Variants in TIMMDC1 observed in about 807,000 individuals in gnomAD.
The protein encoded by TIMMDC1 is complex I assembly factor TIMMDC1, mitochondrial.
A neutral mutation model predicts 32.6 loss-of-function variants in TIMMDC1; 25 were observed. That is an observed-to-expected ratio of 0.77 (90% CI 0.56 to 1.07). The LOEUF is 1.07. Among genes scored for constraint, TIMMDC1 ranks in the 50% least tolerant of loss-of-function variants. The pLI is 0.00. For synonymous variants in TIMMDC1, 130 were observed against 127.6 expected, an observed-to-expected ratio of 1.02 and a Z score of -0.13; for missense variants, 329 against 349.2, an observed-to-expected ratio of 0.94 and a Z score of 0.46.
intron 1 of TIMMDC1, 33 bp downstream of exon 1, chr3:119,498,960 G>A: frequency 2.5e-6 from 4 of 1,606,146 alleles, no homozygotes; most frequent in Non-Finnish European, 3.4e-6. Flanking sequence ...GTGGGGTAGG[G>A]GGCCGCGAAA....
At chr3:119,500,398 T>C (rs1028230443) in intron 1 of TIMMDC1, 2 of 274,088 alleles carry the variant, frequency 7.3e-6, no homozygotes, top group African/African-American at 4.4e-5. Context: ...AACATAGCTG[T>C]ACCCAGCACT....
chr3:119,499,515 T>G (rs2081853757), intron 1 of TIMMDC1, among the ~76,000 whole-genome samples: 1 of 151,926 alleles, frequency 6.6e-6, no homozygotes, highest in Non-Finnish European at 1.5e-5. Context: ...CTTCCCAGGT[T>G]CAAGCGGTTC....
rs2081842189 is a variant in TIMMDC1, at chr3:119,498,661, G to A, written c.-73G>A. On this transcript the variant is annotated 5_prime_UTR_variant, in exon 1 of 7. Transcript: ENST00000494664. ...ACGGATTCTCACCTCGTACAGTTAC[G>A]CTCTCCCGCGGCACGTCCGCGAGGA... 6.8e-6 allele frequency: 10 copies of A among 1,470,354 alleles called. No homozygotes were observed. Among genetic ancestry groups the A allele is most frequent in the Non-Finnish European group, 9.4e-6 (10 of 1,063,712 alleles). The allele number at this position is 1,470,354 out of a possible 1,614,324, so 91.1% of individuals were successfully genotyped here. A position where few individuals can be genotyped will look rare whatever the true frequency, so the allele number is the denominator to read the frequency against.
In TIMMDC1 at chr3:119,513,734, G is replaced by C; in HGVS notation, c.596+15G>C. 6.4e-7 allele frequency: 1 copy of C among 1,557,420 alleles called. No individual in the cohort carries two copies. The highest frequency in any genetic ancestry group is 8.7e-7 in the Non-Finnish European group (1 of 1,154,578). ...GCCTTGCTGGGGTAAGCATTAACAT[G>C]GTTTGGTTCTAAATTGGCACAATTT... On this transcript the variant is annotated intron_variant, in intron 5 of 6. Coordinates refer to ENST00000494664, the MANE Select transcript of TIMMDC1 (RefSeq NM_016589.4).
At chr3:119,513,372 A>G (rs1317878153) in intron 4 of TIMMDC1, among the ~76,000 whole-genome samples, 3 of 152,186 alleles carry the variant, frequency 2.0e-5, no homozygotes, top group Admixed American at 6.5e-5. Context: ...TTAAGGAGAG[A>G]TGGGCAAAAA....
chr3:119,498,926 G>C lies in TIMMDC1; in HGVS notation c.193G>C (p.Asp65His), dbSNP rs2081846111. The change falls in exon 1 of 7, where the codon GAT (aspartate) becomes CAT (histidine). Residue 65 changes from aspartate (D) to histidine (H), a missense_variant and splice_region_variant. By Grantham distance (81) the Asp-to-His change is moderately conservative (BLOSUM62 -1). Transcript: ENST00000494664. Reference sequence around the variant, plus strand: ...CCGCCTCCGGGAGCTGTTTGGCAAAGAGTAAAAGTGCCTAGGGTGTGAAGT... The same window carrying C: ...CCGCCTCCGGGAGCTGTTTGGCAAACAGTAAAAGTGCCTAGGGTGTGAAGT... ...WDRLRELFGKDEQQRISKDLA... is the reference protein window; with the variant it reads ...WDRLRELFGKHEQQRISKDLA... 1.2e-6 allele frequency: 2 copies of C among 1,613,902 alleles called. No homozygotes were observed. The highest frequency in any genetic ancestry group is 2.2e-5 in the East Asian group (1 of 44,874).
rs370482859 is a variant in TIMMDC1 at position 119,513,647 on chromosome 3, C to T, written c.524C>T (p.Thr175Met). 2.3e-5 allele frequency: 37 copies of T among 1,611,994 alleles called. No individual in the cohort carries two copies. Among genetic ancestry groups the T allele is most frequent in the Middle Eastern group, 1.7e-4 (1 of 6,054 alleles). ...CTTTCTTGTTTTTAAATAGCTGTCACGGGAAGTCTTTTTAGGATAAACGTA... is the reference window on the plus strand; with the variant it reads ...CTTTCTTGTTTTTAAATAGCTGTCATGGGAAGTCTTTTTAGGATAAACGTA... Reference protein sequence around the residue: ...LSHFVIAGAVTGSLFRINVGL... With the variant: ...LSHFVIAGAVMGSLFRINVGL... The change falls in exon 5 of 7, where the codon ACG (threonine) becomes ATG (methionine). Residue 175 changes from threonine to methionine, a missense_variant. Thr to Met is a moderately conservative substitution (Grantham distance 81). Transcript: ENST00000494664.
intron 4 of TIMMDC1, among the ~76,000 whole-genome samples, chr3:119,508,515 C>T (rs1323009047): frequency 6.6e-6 from 1 of 152,214 alleles, no homozygotes; most frequent in African/African-American, 2.4e-5. Flanking sequence ...TTCTCACATG[C>T]CATACCAGAA....
At position 119,512,008 on chromosome 3, in the gene TIMMDC1, T is replaced by C. The variant is rs999234722; in HGVS notation, c.518-1633T>C. ...AAGTCAAAAGCCTTAAAAATGTTTA[T>C]ACTTATACCTTTTGGCCCAGAAATT... On this transcript the variant is annotated intron_variant, in intron 4 of 6. Transcript: ENST00000494664. Among the ~76,000 whole-genome samples, 10 of 152,242 alleles carry C rather than the reference T, an allele frequency of 6.6e-5. 1 individual carries two copies. In the East Asian group the frequency reaches 1.3e-3, roughly 20 times the overall value.
At chr3:119,512,952 G>A (rs1000968082) in intron 4 of TIMMDC1, among the ~76,000 whole-genome samples, 3 of 152,128 alleles carry the variant, frequency 2.0e-5, no homozygotes, top group African/African-American at 7.2e-5. Flanking sequence ...TGTTGTCCAG[G>A]CTGACTTAGA....
intron 5 of TIMMDC1, among the ~76,000 whole-genome samples, chr3:119,516,039 T>C (rs1405976465): frequency 1.3e-5 from 2 of 152,254 alleles, no homozygotes; most frequent in Admixed American, 1.3e-4. Context: ...AGTGTTAATA[T>C]ACCAGTTTGG....
intron 6 of TIMMDC1, among the ~76,000 whole-genome samples, chr3:119,520,960 TATAAAC>T (rs1239146685): frequency 2.0e-5 from 3 of 151,982 alleles, no homozygotes; most frequent in Non-Finnish European, 4.4e-5. Context: ...TGTTACATCA[TATAAAC>T]AGAAGGAAGG....
intron 6 of TIMMDC1, 135 bp from the exon 7 acceptor site, chr3:119,523,471 C>A: frequency 2.6e-6 from 2 of 762,832 alleles, no homozygotes; most frequent in Non-Finnish European, 4.0e-6. Context: ...ATTTGAAGTT[C>A]AGGGAGCAGT....
chr3:119,521,645 A>T (rs928118802), intron 6 of TIMMDC1, among the ~76,000 whole-genome samples: 1 of 151,042 alleles, frequency 6.6e-6, no homozygotes, highest in African/African-American at 2.4e-5. Context: ...GTGAGCCATG[A>T]TTGTGCTACT....
chr3:119,510,452 A>C (rs1369853518), intron 4 of TIMMDC1, among the ~76,000 whole-genome samples: 1 of 120,590 alleles, frequency 8.3e-6, no homozygotes, highest in Non-Finnish European at 1.7e-5. Context: ...CAATGTCTAA[A>C]TCATATCTAA....
At chr3:119,513,316 TGAA>T (rs918912523) in intron 4 of TIMMDC1, among the ~76,000 whole-genome samples, 5 of 146,322 alleles carry the variant, frequency 3.4e-5, no homozygotes, top group Non-Finnish European at 4.5e-5. Flanking sequence ...TTATTTTCCT[TGAA>T]GAAAGAAGAA....
chr3:119,516,014 C>T (rs919215908), intron 5 of TIMMDC1, among the ~76,000 whole-genome samples: 1 of 152,142 alleles, frequency 6.6e-6, no homozygotes, highest in African/African-American at 2.4e-5. Flanking sequence ...CTACTGCTGC[C>T]ATTGCTTTTG....
At chr3:119,500,311 A>G (rs2081861248) in intron 1 of TIMMDC1, 1 of 156,682 alleles carries the variant, frequency 6.4e-6, no homozygotes, top group African/African-American at 2.4e-5. Flanking sequence ...CACCTTTTAA[A>G]AAACTTTTTA....
At chr3:119,521,695 T>TA (rs35164005) in intron 6 of TIMMDC1, among the ~76,000 whole-genome samples, 16,636 of 141,878 alleles carry the variant, frequency 0.12, 2,043 homozygotes, top group African/African-American at 0.32. Context: ...CCTGTCTCTT[T>TA]AAAAAAAAAA....
Sources: gnomAD v4.1 joint callset for allele counts (sites outside exome capture counted in the v4.1 genomes callset) on GRCh38, gnomAD v4.1.1 for gene constraint, MANE v1.5 for transcripts, NCBI Gene and HGNC (gene_info 2026-07-23, HGNC 2026-07-21) for gene names.